The following ARHGAP24 variants were observed in gnomAD, a reference collection of about 807,000 sequenced individuals.
ARHGAP24 encodes the protein rho GTPase-activating protein 24.
In ARHGAP24, 50 loss-of-function variants were observed where a neutral mutation model predicts 76.4. That is an observed-to-expected ratio of 0.65 (90% CI 0.52 to 0.83). The LOEUF (loss-of-function observed/expected upper bound fraction) is 0.83. Among genes scored for constraint, ARHGAP24 ranks in the 40% least tolerant of loss-of-function variants. The pLI is 0.00. For synonymous variants in ARHGAP24, 345 were observed against 323.3 expected (o/e 1.07, Z -0.72); for missense variants, 930 against 914.2 (o/e 1.02, Z -0.22).
intron 3 of ARHGAP24, among the ~76,000 whole-genome samples, chr4:85,804,150 G>A (rs1163683314): frequency 6.6e-6 from 1 of 151,642 alleles, no homozygotes; most frequent in African/African-American, 2.4e-5. Context: ...TTATAGAATG[G>A]GATTGCAGAT....
At chr4:85,646,087 A>C (rs942757609) in intron 2 of ARHGAP24, among the ~76,000 whole-genome samples, 2 of 152,132 alleles carry the variant, frequency 1.3e-5, no homozygotes, top group Admixed American at 6.6e-5. Context: ...TGTATATGTT[A>C]TTTAAAAGCT....
intron 3 of ARHGAP24, among the ~76,000 whole-genome samples, chr4:85,903,924 T>C (rs1238582404): frequency 6.6e-6 from 1 of 152,124 alleles, no homozygotes; most frequent in African/African-American, 2.4e-5. Flanking sequence ...CTTTCTTGAG[T>C]TTTAACATTT....
At chr4:85,551,466 C>T (rs1208494814) in intron 1 of ARHGAP24, among the ~76,000 whole-genome samples, 1 of 152,138 alleles carries the variant, frequency 6.6e-6, no homozygotes, top group African/African-American at 2.4e-5. Context: ...CTATGTGCAT[C>T]AAGGATATCG....
intron 2 of ARHGAP24, among the ~76,000 whole-genome samples, chr4:85,687,910 C>T (rs1009810868): frequency 2.0e-5 from 3 of 152,088 alleles, no homozygotes; most frequent in Admixed American, 6.5e-5. Context: ...CTCCCAGGTT[C>T]AAGCGATTCT....
intron 3 of ARHGAP24, among the ~76,000 whole-genome samples, chr4:85,890,384 G>A (rs1426831581): frequency 2.0e-5 from 3 of 152,142 alleles, no homozygotes; most frequent in Non-Finnish European, 4.4e-5. Context: ...AGGATACAAG[G>A]ATGACTGCAT....
At chr4:85,784,300 G>GC (rs1281399753) in intron 3 of ARHGAP24, among the ~76,000 whole-genome samples, 1 of 138,772 alleles carries the variant, frequency 7.2e-6, no homozygotes, top group Non-Finnish European at 1.6e-5. Flanking sequence ...CCTCTCCTAG[G>GC]CTTTTTTTTT....
At chr4:85,649,265 T>A (rs80238719) in intron 2 of ARHGAP24, among the ~76,000 whole-genome samples, 3,242 of 152,202 alleles carry the variant, frequency 0.021, 54 homozygotes, top group South Asian at 0.045. Flanking sequence ...GACTGTCTCA[T>A]TTAGCATGTC....
At chr4:85,529,391 T>G (rs1725159602) in intron 1 of ARHGAP24, among the ~76,000 whole-genome samples, 1 of 152,086 alleles carries the variant, frequency 6.6e-6, no homozygotes, top group Non-Finnish European at 1.5e-5. Context: ...TGATTTTCAG[T>G]GTAAGATTAT....
intron 1 of ARHGAP24, among the ~76,000 whole-genome samples, chr4:85,488,101 ACT>A (rs1723213661): frequency 2.0e-5 from 3 of 150,882 alleles, no homozygotes; most frequent in Non-Finnish European, 2.9e-5. Context: ...TTTTTAAACT[ACT>A]GCTTCTGTTC....
chr4:85,683,021 A>T (rs1370246656), intron 2 of ARHGAP24, among the ~76,000 whole-genome samples: 1 of 142,986 alleles, frequency 7.0e-6, no homozygotes, highest in African/African-American at 2.6e-5. Context: ...TTCTATACCT[A>T]TACTGATCTT....
At chr4:85,745,373 TATAC>T (rs1252611037) in intron 3 of ARHGAP24, among the ~76,000 whole-genome samples, 1 of 145,844 alleles carries the variant, frequency 6.9e-6, no homozygotes, top group Non-Finnish European at 1.5e-5. Flanking sequence ...TATTATATTG[TATAC>T]ATACATGTGC....
At chr4:85,504,911 C>T (rs1476250045) in intron 1 of ARHGAP24, among the ~76,000 whole-genome samples, 8 of 152,102 alleles carry the variant, frequency 5.3e-5, no homozygotes, top group Admixed American at 4.6e-4. Context: ...TTAGGGCAGG[C>T]CTGGTGGTGA....
chr4:85,602,504 A>T (rs967431357), intron 2 of ARHGAP24, among the ~76,000 whole-genome samples: 2 of 152,188 alleles, frequency 1.3e-5, no homozygotes, highest in South Asian at 4.1e-4. Context: ...TGCTCCATAG[A>T]CACATTTTCA....
At chr4:85,972,970 C>T (rs550224191) in intron 6 of ARHGAP24, among the ~76,000 whole-genome samples, 1 of 152,128 alleles carries the variant, frequency 6.6e-6, no homozygotes, top group East Asian at 1.9e-4. Context: ...ATCAGAGAGA[C>T]CTTTGGGGTT....
At chr4:85,699,833 T>C (rs1364168935) in intron 2 of ARHGAP24, among the ~76,000 whole-genome samples, 1 of 152,206 alleles carries the variant, frequency 6.6e-6, no homozygotes, top group Non-Finnish European at 1.5e-5. Context: ...CTGAGATCTT[T>C]ATTTTGTTCA....
At chr4:85,816,336 A>T (rs1002332045) in intron 3 of ARHGAP24, among the ~76,000 whole-genome samples, 1 of 152,070 alleles carries the variant, frequency 6.6e-6, no homozygotes, top group East Asian at 1.9e-4. Flanking sequence ...CCTGGCAACC[A>T]CCATTCTATT....
At position 85,683,111 on chromosome 4, in the gene ARHGAP24, G is replaced by T. The variant is rs1437790343; in HGVS notation, c.181-38774G>T. Reference sequence around the variant, plus strand: ...CAACTCTTAACTCTCTCAGTGTGTGGGGGGGTGGGGGGGGGGTGCGGGGGC... The same window carrying T: ...CAACTCTTAACTCTCTCAGTGTGTGTGGGGGTGGGGGGGGGGTGCGGGGGC... On this transcript the variant is annotated intron_variant, in intron 2 of 9. Coordinates refer to ENST00000395184, the MANE Select transcript of ARHGAP24 (RefSeq NM_001025616.3). Among the ~76,000 whole-genome samples the T allele has an allele frequency of 3.6e-3, 362 of 101,026 alleles. 1 individual carries two copies. The highest frequency in any genetic ancestry group is 0.011 in the African/African-American group (293 of 26,182). 66.3% of individuals were successfully genotyped at this position (101,026 alleles called of 152,430 possible).
chr4:85,842,132 C>A (rs1234687386), intron 3 of ARHGAP24, among the ~76,000 whole-genome samples: 1 of 152,130 alleles, frequency 6.6e-6, no homozygotes, highest in Non-Finnish European at 1.5e-5. Context: ...TTCAGGGTTT[C>A]TATTTTGAAA....
intron 1 of ARHGAP24, among the ~76,000 whole-genome samples, chr4:85,506,033 G>C (rs896950022): frequency 6.6e-6 from 1 of 152,136 alleles, no homozygotes; most frequent in Non-Finnish European, 1.5e-5. Context: ...GACCCTGTTT[G>C]CCTGGGTATC....
Sources: gnomAD v4.1 joint callset for allele counts (sites outside exome capture counted in the v4.1 genomes callset) on GRCh38, gnomAD v4.1.1 for gene constraint, MANE v1.5 for transcripts, NCBI Gene and HGNC (gene_info 2026-07-23, HGNC 2026-07-21) for gene names.